The following BACE2 variants were observed in gnomAD, a reference collection of about 807,000 sequenced individuals.
BACE2 encodes the protein 56 kDa aspartic-like protease.
BACE2 carries 17 observed loss-of-function variants against 46.2 expected under a neutral mutation model. That is an observed-to-expected ratio of 0.37 (90% confidence interval 0.25 to 0.55). The LOEUF is 0.55. Ranked by LOEUF, BACE2 falls within the 20% of genes least tolerant of loss-of-function variation. The probability of loss-of-function intolerance (pLI) is 0.82; values close to 1 mark genes in which losing one functional copy is unlikely to be tolerated. For missense variants in BACE2, 595 were observed against 698.1 expected (o/e 0.85, Z 1.66); for synonymous variants, 277 against 295.9 (o/e 0.94, Z 0.66).
rs539006271 is a variant in BACE2 at position 41,235,613 on chromosome 21, G to A, written c.402-1900G>A. 2.0e-5 allele frequency among the ~76,000 whole-genome samples: 3 copies of A among 152,348 alleles called. No individual in the cohort carries two copies. The East Asian group carries it at 5.8e-4, about 29-fold the overall frequency. On this transcript the variant is annotated intron_variant, in intron 2 of 8. Coordinates refer to ENST00000330333, the MANE Select transcript of BACE2 (RefSeq NM_012105.5). ...GCATTTTGGGAGGCTAAGGTAGGAG[G>A]ATTACTTGAGCCCAGGAGTTTGAGA...
chr21:41,225,854 C>A (rs915240549), intron 1 of BACE2, among the ~76,000 whole-genome samples: 2 of 152,106 alleles, frequency 1.3e-5, no homozygotes, highest in Admixed American at 6.5e-5. Context: ...GAGGGGAGGT[C>A]ACGTTGGATC....
intron 8 of BACE2, among the ~76,000 whole-genome samples, 188 bp from the exon 9 acceptor site, chr21:41,275,183 G>A (rs1374966334): frequency 1.3e-5 from 2 of 152,132 alleles, no homozygotes; most frequent in Admixed American, 6.5e-5. Flanking sequence ...GTTCCAGTTT[G>A]CAGGGACTGG....
chr21:41,279,995 T>C lies in BACE2; in HGVS notation c.*4371T>C, dbSNP rs957236351. 6.6e-6 allele frequency: 1 copy of C among 152,196 alleles called. No homozygotes were observed. The highest frequency in any genetic ancestry group is 1.5e-5 in the Non-Finnish European group (1 of 68,068). 9.4% of individuals were successfully genotyped at this position (152,196 alleles called of 1,614,324 possible). On this transcript the variant is annotated 3_prime_UTR_variant, in exon 9 of 9. Coordinates refer to ENST00000330333, the MANE Select transcript of BACE2 (RefSeq NM_012105.5). ...GTGGGCACCTCATTTCACCCCACGTTTTTGGCACAGTCTACTTTTTAGGTA... is the reference window on the plus strand; with the variant it reads ...GTGGGCACCTCATTTCACCCCACGTCTTTGGCACAGTCTACTTTTTAGGTA...
At chr21:41,243,086 G>C (rs1227545346) in intron 4 of BACE2, among the ~76,000 whole-genome samples, 1 of 151,974 alleles carries the variant, frequency 6.6e-6, no homozygotes, top group Non-Finnish European at 1.5e-5. Flanking sequence ...GCTAATTTTT[G>C]TATTTTTAGT....
Position 41,247,330 on chromosome 21 carries a change from C to T in BACE2, c.984+1267C>T, listed in dbSNP as rs1601305200. Among the ~76,000 whole-genome samples the T allele has an allele frequency of 2.0e-5, 3 of 152,192 alleles. No individual in the cohort carries two copies. The South Asian group carries it at 6.2e-4, about 32-fold the overall frequency. On this transcript the variant is annotated intron_variant, in intron 6 of 8. Transcript: ENST00000330333. ...CTTTTCGAAGCAGCAGGTCTCAAGG[C>T]GGCCAGCCACTGGCGCAGCTGCAGC...
At chr21:41,176,899 A>T (rs1984870022) in intron 1 of BACE2, 1 of 152,234 alleles carries the variant, frequency 6.6e-6, no homozygotes, top group Non-Finnish European at 1.5e-5. Flanking sequence ...GTTTGGACAG[A>T]TAGTCCATTC....
At chr21:41,234,658 C>T (rs957310097) in intron 2 of BACE2, among the ~76,000 whole-genome samples, 1 of 152,174 alleles carries the variant, frequency 6.6e-6, no homozygotes, top group South Asian at 2.1e-4. Context: ...AGGAATGAAC[C>T]CAAATTGTCA....
chr21:41,239,051 G>A (rs76699118), intron 3 of BACE2, among the ~76,000 whole-genome samples: 3,389 of 151,076 alleles, frequency 0.022, 121 homozygotes, highest in African/African-American at 0.075. Flanking sequence ...CTTGCTCAGC[G>A]TTAGGCTTGG....
At chr21:41,222,584 T>C (rs1986691898) in intron 1 of BACE2, among the ~76,000 whole-genome samples, 2 of 152,174 alleles carry the variant, frequency 1.3e-5, no homozygotes, top group South Asian at 4.1e-4. Flanking sequence ...CAGCAGGCCA[T>C]GTGAGGACTT....
chr21:41,251,085 A>G (rs887337708), intron 7 of BACE2, among the ~76,000 whole-genome samples, 184 bp downstream of exon 7: 1 of 152,112 alleles, frequency 6.6e-6, no homozygotes, highest in Non-Finnish European at 1.5e-5. Context: ...GGCCGGGCTC[A>G]CTCACGTGTC....
At chr21:41,239,323 C>T (rs1217033445) in intron 3 of BACE2, among the ~76,000 whole-genome samples, 1 of 152,128 alleles carries the variant, frequency 6.6e-6, no homozygotes, top group African/African-American at 2.4e-5. Flanking sequence ...GTGCTCAGGA[C>T]TCCCCTGTGA....
chr21:41,248,787 C>T (rs2837993), intron 6 of BACE2, among the ~76,000 whole-genome samples: 54,589 of 152,142 alleles, frequency 0.36, 11,704 homozygotes, highest in East Asian at 0.7. Flanking sequence ...ATATTCAGTG[C>T]GTGGACATCG....
chr21:41,204,377 G>A (rs1025715340), intron 1 of BACE2, among the ~76,000 whole-genome samples: 1 of 152,100 alleles, frequency 6.6e-6, no homozygotes, highest in Admixed American at 6.5e-5. Context: ...TGGGAGATAT[G>A]ATGTCCCATG....
chr21:41,280,465 G>A lies in BACE2; in HGVS notation c.*4841G>A, dbSNP rs2088534986. 6.6e-6 allele frequency: 1 copy of A among 152,374 alleles called. No homozygotes were observed. The allele number at this position is 152,374 out of a possible 1,614,324, so 9.4% of individuals were successfully genotyped here. A position where few individuals can be genotyped will look rare whatever the true frequency, so the allele number is the denominator to read the frequency against. On this transcript the variant is annotated 3_prime_UTR_variant, in exon 9 of 9. Transcript: ENST00000330333. ...GTCAGCGTGGGAGCCCTGCTCCCCAGGCTCCACGTCCCCGGAAGGTCCATC... is the reference window on the plus strand; with the variant it reads ...GTCAGCGTGGGAGCCCTGCTCCCCAAGCTCCACGTCCCCGGAAGGTCCATC...
rs547263352 is a variant in BACE2 at position 41,240,129 on chromosome 21, G to A, written c.619-1690G>A. ...TAGGACTCATAGGAAGCAGAATGTG[G>A]CTGGGAACAGGGCCTGCAGGGTGAG... On this transcript the variant is annotated intron_variant, in intron 3 of 8. Transcript: ENST00000330333. Among the ~76,000 whole-genome samples the A allele has an allele frequency of 2.0e-5, 3 of 152,304 alleles. No individual in the cohort carries two copies. The East Asian group carries it at 5.8e-4, about 29-fold the overall frequency.
At chr21:41,219,878 C>T (rs1229866720) in intron 1 of BACE2, among the ~76,000 whole-genome samples, 3 of 152,184 alleles carry the variant, frequency 2.0e-5, no homozygotes, top group Non-Finnish European at 4.4e-5. Flanking sequence ...ATCGGTTCTG[C>T]GACAGACACC....
Position 41,282,478 on chromosome 21 carries a change from C to A in BACE2, c.*6854C>A, listed in dbSNP as rs1043104303. 3.9e-5 allele frequency: 6 copies of A among 152,032 alleles called. No individual in the cohort carries two copies. Among genetic ancestry groups the A allele is most frequent in the Non-Finnish European group, 8.8e-5 (6 of 68,012 alleles). 9.4% of individuals were successfully genotyped at this position (152,032 alleles called of 1,614,324 possible). A position where few individuals can be genotyped will look rare whatever the true frequency, so the allele number is the denominator to read the frequency against. ...TGTTCCAGCAATTTAAGATATATAC[C>A]ATTGAAAGGGAAATAAAACATTTTT... On this transcript the variant is annotated 3_prime_UTR_variant, in exon 9 of 9. Transcript: ENST00000330333.
chr21:41,181,551 C>T (rs148528115), intron 1 of BACE2: 80 of 167,176 alleles, frequency 4.8e-4, no homozygotes, highest in African/African-American at 1.7e-3. Flanking sequence ...AGAGTTGGAC[C>T]AGAGCATCGC....
chr21:41,241,138 T>A (rs1437085589), intron 3 of BACE2, among the ~76,000 whole-genome samples: 1 of 152,136 alleles, frequency 6.6e-6, no homozygotes, highest in Non-Finnish European at 1.5e-5. Context: ...CCGCTTCCCT[T>A]TGAGTCTCTC....
Sources: allele counts gnomAD v4.1 joint callset (sites outside exome capture counted in the v4.1 genomes callset), GRCh38; gene constraint gnomAD v4.1.1; transcripts MANE v1.5; gene names NCBI Gene and HGNC (gene_info 2026-07-23, HGNC 2026-07-21).